The following EIF4EBP2 variants were observed in gnomAD, a reference collection of about 807,000 sequenced individuals.
EIF4EBP2 encodes the protein eukaryotic translation initiation factor 4E binding protein 2, also known as eukaryotic translation initiation factor 4E-binding protein 2.
A neutral mutation model predicts 10.3 loss-of-function variants in EIF4EBP2; 5 were observed. The ratio of observed to expected loss-of-function variants is 0.48; its 90% confidence interval spans 0.25 to 1.02. EIF4EBP2 has a LOEUF of 1.02. Among genes scored for constraint, EIF4EBP2 ranks in the 50% least tolerant of loss-of-function variants. The pLI is 0.15. For synonymous variants in EIF4EBP2, 67 were observed against 61.1 expected, an observed-to-expected ratio of 1.10 and a Z score of -0.45; for missense variants, 188 against 162.2, an observed-to-expected ratio of 1.16 and a Z score of -0.86.
At chr10:70,411,691 A>G (rs1845048454) in intron 1 of EIF4EBP2, among the ~76,000 whole-genome samples, 1 of 152,106 alleles carries the variant, frequency 6.6e-6, no homozygotes, top group Non-Finnish European at 1.5e-5. Context: ...CTGGGCTCAG[A>G]TGACCCTCTT....
At position 70,415,472 on chromosome 10, in the gene EIF4EBP2, A is replaced by G. The variant is rs1845084515; in HGVS notation, c.146-4442A>G. ...TATGGAACTTTAAGGGACCTAAAAT[A>G]TCCAGAACAATCTTGAAAAAGAAAA... On this transcript the variant is annotated intron_variant, in intron 1 of 2. Coordinates refer to ENST00000373218, the MANE Select transcript of EIF4EBP2 (RefSeq NM_004096.5). 3.4e-5 allele frequency among the ~76,000 whole-genome samples: 5 copies of G among 145,966 alleles called. No individual in the cohort carries two copies. The Admixed American group carries it at 3.4e-4, about 10-fold the overall frequency.
Position 70,422,152 on chromosome 10 carries a change from A to G in EIF4EBP2, c.*405A>G. On this transcript the variant is annotated 3_prime_UTR_variant, in exon 3 of 3. Transcript: ENST00000373218. ...TGGGAAGTCTGGGGAAGGGATACAG[A>G]GCTTGGTGGGCCTAACACCATTCAT... 1 of 191,740 alleles carries G rather than the reference A, an allele frequency of 5.2e-6. No homozygotes were observed. The highest frequency in any genetic ancestry group is 1.3e-4 in the South Asian group (1 of 7,478). The allele number at this position is 191,740 out of a possible 1,614,324, so 11.9% of individuals were successfully genotyped here.
chr10:70,405,035 C>T (rs772926001), intron 1 of EIF4EBP2, among the ~76,000 whole-genome samples: 17 of 152,348 alleles, frequency 1.1e-4, no homozygotes, highest in South Asian at 2.1e-4. Flanking sequence ...CGGGAGGAGG[C>T]TGGAATGCGG....
chr10:70,416,121 A>G (rs1220821488), intron 1 of EIF4EBP2, among the ~76,000 whole-genome samples: 3 of 152,354 alleles, frequency 2.0e-5, no homozygotes, highest in African/African-American at 4.8e-5. Context: ...TGTTAAGTAC[A>G]TGAAAACAGC....
chr10:70,412,327 GTGAGTAAA>G (rs1223496416), intron 1 of EIF4EBP2, among the ~76,000 whole-genome samples: 1 of 140,612 alleles, frequency 7.1e-6, no homozygotes, highest in Non-Finnish European at 1.5e-5. Context: ...GTCTATTTGC[GTGAGTAAA>G]TGGTTAATTC....
chr10:70,415,631 G>A (rs1372907500), intron 1 of EIF4EBP2, among the ~76,000 whole-genome samples: 9 of 152,274 alleles, frequency 5.9e-5, no homozygotes, highest in Admixed American at 1.3e-4. Context: ...AGCAATAATG[G>A]CCCATTGATC....
chr10:70,405,630 T>C (rs1299696293), intron 1 of EIF4EBP2, among the ~76,000 whole-genome samples: 1 of 152,210 alleles, frequency 6.6e-6, no homozygotes, highest in Non-Finnish European at 1.5e-5. Context: ...AGAGGATTGC[T>C]AGCCTTGTTC....
Position 70,423,975 on chromosome 10 carries a change from C to T in EIF4EBP2, c.*2228C>T, listed in dbSNP as rs1430255537. On this transcript the variant is annotated 3_prime_UTR_variant, in exon 3 of 3. Transcript: ENST00000373218. ...TACATAAGAAGCATGCTCAGGACCT[C>T]TTTGTACCCCGGGGAGCCTGATTCT... 2.6e-5 allele frequency: 4 copies of T among 152,210 alleles called. No individual in the cohort carries two copies. 9.4% of individuals were successfully genotyped at this position (152,210 alleles called of 1,614,324 possible).
chr10:70,411,707 A>C (rs1482379323), intron 1 of EIF4EBP2, among the ~76,000 whole-genome samples: 1 of 152,150 alleles, frequency 6.6e-6, no homozygotes, highest in Non-Finnish European at 1.5e-5. Flanking sequence ...CTCTTGCCTC[A>C]GCCTCCCAAA....
chr10:70,406,678 A>T (rs1425424328), intron 1 of EIF4EBP2, among the ~76,000 whole-genome samples: 1 of 150,824 alleles, frequency 6.6e-6, no homozygotes, highest in Non-Finnish European at 1.5e-5. Context: ...ATTAGTTCTT[A>T]AAGTGCTTGC....
Position 70,404,491 on chromosome 10 carries a change from A to G in EIF4EBP2, c.90A>G (p.Leu30=). 6.3e-7 allele frequency: 1 copy of G among 1,599,262 alleles called. No homozygotes were observed. The highest frequency in any genetic ancestry group is 8.5e-7 in the Non-Finnish European group (1 of 1,175,100). ...TGGCCATCAGCGACGCCGCGCAGCT[A>G]CCTCATGACTATTGCACCACGCCCG... ...RTVAISDAAQ[L]PHDYCTTPGG... is the part of the protein sequence containing the mutation. Residue 30 remains leucine (L), a synonymous_variant, in exon 1 of 3, where the codon CTA becomes CTG. Transcript: ENST00000373218.
Position 70,425,678 on chromosome 10 carries a change from G to A in EIF4EBP2, c.*3931G>A, listed in dbSNP as rs1845199704. On this transcript the variant is annotated 3_prime_UTR_variant, in exon 3 of 3. Coordinates refer to ENST00000373218, the MANE Select transcript of EIF4EBP2 (RefSeq NM_004096.5). The stretch of plus-strand genomic sequence containing the variant: ...TGCTTATTTGCACATCCTAGACTTG[G>A]TGTCTGTAAGACTCAGTTACCACTT... The A allele has an allele frequency of 6.6e-6, 1 of 152,142 alleles. No individual in the cohort carries two copies. The highest frequency in any genetic ancestry group is 2.4e-5 in the African/African-American group (1 of 41,432). 9.4% of individuals were successfully genotyped at this position (152,142 alleles called of 1,614,324 possible).
chr10:70,419,970 G>C lies in EIF4EBP2; in HGVS notation c.202G>C (p.Ala68Pro). 6 of 1,610,380 alleles carry C rather than the reference G, an allele frequency of 3.7e-6. No individual in the cohort carries two copies. Among genetic ancestry groups the C allele is most frequent in the Non-Finnish European group, 5.1e-6 (6 of 1,178,856 alleles). ...GTTGGATCGTCGCAATTCTCCCATG[G>C]CTCAGACCCCACCCTGCCACCTGCC... Reference protein sequence around the residue: ...FLLDRRNSPMAQTPPCHLPNI... With the variant: ...FLLDRRNSPMPQTPPCHLPNI... The change falls in exon 2 of 3, where the codon GCT (alanine) becomes CCT (proline). Residue 68 changes from alanine to proline, a missense_variant. By Grantham distance (27) the Ala-to-Pro change is conservative. Coordinates refer to ENST00000373218, the MANE Select transcript of EIF4EBP2 (RefSeq NM_004096.5).
At chr10:70,417,413 A>T (rs533362262) in intron 1 of EIF4EBP2, among the ~76,000 whole-genome samples, 1 of 152,246 alleles carries the variant, frequency 6.6e-6, no homozygotes, top group East Asian at 1.9e-4. Context: ...TCTAAAATTG[A>T]TTATGGTGAT....
Position 70,404,359 on chromosome 10 carries a change from C to G in EIF4EBP2, c.-43C>G. On this transcript the variant is annotated 5_prime_UTR_variant, in exon 1 of 3. Coordinates refer to ENST00000373218, the MANE Select transcript of EIF4EBP2 (RefSeq NM_004096.5). ...CGAAGCAGCCCCGGCCCCGCCGCCG[C>G]CGCCTGCCCGCCGGACAAAGCCGAG... The G allele has an allele frequency of 6.7e-7, 1 of 1,501,112 alleles. No homozygotes were observed. Among genetic ancestry groups the G allele is most frequent in the Admixed American group, 2.3e-5 (1 of 43,758 alleles). The allele number at this position is 1,501,112 out of a possible 1,614,324, so 93.0% of individuals were successfully genotyped here. A position where few individuals can be genotyped will look rare whatever the true frequency, so the allele number is the denominator to read the frequency against.
intron 1 of EIF4EBP2, among the ~76,000 whole-genome samples, chr10:70,407,863 C>T (rs532112076): frequency 7.5e-6 from 1 of 133,396 alleles, no homozygotes; most frequent in Non-Finnish European, 1.6e-5. Flanking sequence ...GGGGCTGACC[C>T]CCCACCTCCC....
chr10:70,407,730 ACC>A lies in EIF4EBP2; in HGVS notation c.145+3193_145+3194del, dbSNP rs750558076. Among the ~76,000 whole-genome samples, 34 of 103,464 alleles carry A rather than the reference ACC, an allele frequency of 3.3e-4. 1 individual carries two copies. Among genetic ancestry groups the A allele is most frequent in the East Asian group, 9.5e-4 (3 of 3,146 alleles). The allele number at this position is 103,464 out of a possible 152,430, so 67.9% of individuals were successfully genotyped here. On this transcript the variant is annotated intron_variant, in intron 1 of 2. Transcript: ENST00000373218. ...CGCTCACCTCCCGGGCGGGGGGCTG[ACC>A]CCCCCCCCACCTCCCTCCCAGACGG...
At position 70,404,260 on chromosome 10, in the gene EIF4EBP2, C is replaced by A; in HGVS notation, c.-142C>A. ...GCGGCTGAGAGGGCGGCGGCGGGAG[C>A]GGAGCGGGACGAGGGAACGGGAGGA... is the stretch of plus-strand genomic sequence containing the variant. On this transcript the variant is annotated 5_prime_UTR_variant, in exon 1 of 3. Coordinates refer to ENST00000373218, the MANE Select transcript of EIF4EBP2 (RefSeq NM_004096.5). 1 of 1,089,716 alleles carries A rather than the reference C, an allele frequency of 9.2e-7. No individual in the cohort carries two copies. Among genetic ancestry groups the A allele is most frequent in the Non-Finnish European group, 1.2e-6 (1 of 824,894 alleles). The allele number at this position is 1,089,716 out of a possible 1,614,324, so 67.5% of individuals were successfully genotyped here. A position where few individuals can be genotyped will look rare whatever the true frequency, so the allele number is the denominator to read the frequency against.
chr10:70,420,033 G>A lies in EIF4EBP2; in HGVS notation c.265G>A (p.Glu89Lys), dbSNP rs1240894307. 1.9e-6 allele frequency: 3 copies of A among 1,613,214 alleles called. No individual in the cohort carries two copies. In the African/African-American group the frequency reaches 4.0e-5, roughly 22 times the overall value. The part of the protein sequence containing the change: ...PGVTSPGTLI[E>K]DSKVEVNNLN... The stretch of plus-strand genomic sequence containing the variant: ...AGTCACTAGCCCTGGCACCTTAATT[G>A]AAGACTCCAAAGTAGAAGTAAACAA... The change falls in exon 2 of 3, where the codon GAA becomes AAA. Residue 89 changes from glutamate (E) to lysine (K), a missense_variant. Physicochemically the swap from Glu to Lys is moderately conservative, Grantham distance 56. Coordinates refer to ENST00000373218, the MANE Select transcript of EIF4EBP2 (RefSeq NM_004096.5).
Sources: gnomAD v4.1 joint callset for allele counts (sites outside exome capture counted in the v4.1 genomes callset) on GRCh38, gnomAD v4.1.1 for gene constraint, MANE v1.5 for transcripts, NCBI Gene and HGNC (gene_info 2026-07-23, HGNC 2026-07-21) for gene names.